NOS1: variants seen among roughly 807,000 people sequenced by gnomAD.
NOS1 encodes nitric oxide synthase 1, also known as NOS type I.
NOS1 carries 51 observed loss-of-function variants against 164.5 expected under a neutral mutation model. That is an observed-to-expected ratio of 0.31 (90% CI 0.25 to 0.39). The LOEUF (loss-of-function observed/expected upper bound fraction) is 0.39. NOS1 is among the 10% of genes least tolerant of loss of function. NOS1 has a pLI of 1.00. For missense variants in NOS1, 1,362 were observed against 1,885.6 expected (o/e 0.72, Z 5.14); for synonymous variants, 719 against 745.8 (o/e 0.96, Z 0.59).
intron 3 of NOS1, among the ~76,000 whole-genome samples, chr12:117,301,645 T>C (rs12810591): frequency 0.14 from 20,558 of 152,036 alleles, 1,636 homozygotes; most frequent in East Asian, 0.27. Flanking sequence ...CTCTTTCCAC[T>C]CAAGGCCCTC....
At chr12:117,273,866 A>G (rs1872967080) in intron 9 of NOS1, among the ~76,000 whole-genome samples, 1 of 152,072 alleles carries the variant, frequency 6.6e-6, no homozygotes, top group Admixed American at 6.6e-5. Context: ...ACCAGAAACT[A>G]TAAAACTACT....
intron 9 of NOS1, among the ~76,000 whole-genome samples, chr12:117,276,112 T>C (rs1289828670): frequency 6.6e-6 from 1 of 152,188 alleles, no homozygotes; most frequent in Non-Finnish European, 1.5e-5. Context: ...GATACAGGCC[T>C]GTAATGTGAA....
chr12:117,333,489 A>AC (rs1875645685), intron 1 of NOS1, among the ~76,000 whole-genome samples: 1 of 151,438 alleles, frequency 6.6e-6, no homozygotes, highest in African/African-American at 2.4e-5. Context: ...GGGTGCAGAG[A>AC]CCCCTCCCAG....
intron 27 of NOS1, among the ~76,000 whole-genome samples, chr12:117,219,827 T>C (rs1280228528): frequency 1.3e-5 from 2 of 152,130 alleles, no homozygotes; most frequent in African/African-American, 4.8e-5. Flanking sequence ...AGAGGTCCAC[T>C]CACTCGTTAT....
At chr12:117,284,664 G>C (rs1009028621) in intron 7 of NOS1, among the ~76,000 whole-genome samples, 2 of 152,132 alleles carry the variant, frequency 1.3e-5, no homozygotes, top group Admixed American at 1.3e-4. Flanking sequence ...ACTGAACTGT[G>C]GGTTGAACGT....
At chr12:117,251,452 T>C (rs1871094271) in intron 17 of NOS1, among the ~76,000 whole-genome samples, 1 of 152,116 alleles carries the variant, frequency 6.6e-6, no homozygotes, top group Admixed American at 6.5e-5. Context: ...CAGCTTATGA[T>C]TTCAAGGAAT....
At chr12:117,274,881 G>A (rs983273620) in intron 9 of NOS1, among the ~76,000 whole-genome samples, 1 of 151,824 alleles carries the variant, frequency 6.6e-6, no homozygotes, top group Non-Finnish European at 1.5e-5. Context: ...ATCAACCTAG[G>A]TGTCTAACAA....
chr12:117,307,994 AAATAATAAT>A (rs71444617), intron 3 of NOS1, among the ~76,000 whole-genome samples: 4 of 149,760 alleles, frequency 2.7e-5, no homozygotes, highest in South Asian at 2.1e-4. Flanking sequence ...GTCTCACAAT[AAATAATAAT>A]AATAATAATA....
Position 117,330,997 on chromosome 12 carries a change from C to T in NOS1, c.73G>A (p.Val25Ile), listed in dbSNP as rs752487139. The change falls in exon 2 of 29, where the codon GTT (valine) becomes ATT (isoleucine). Residue 25 changes from valine (V) to isoleucine (I), a missense_variant. Around this residue, in one of 4 missense-constraint regions of NOS1, gnomAD observed 362 missense variants for 402.0 expected, o/e 0.90. Coordinates refer to ENST00000317775, the MANE Select transcript of NOS1 (RefSeq NM_000620.5). The surrounding 1 kb of genome is among the most constrained non-coding windows in gnomAD (Gnocchi z 4.6). The part of the protein sequence containing the change: ...VISVRLFKRK[V>I]GGLGFLVKER... The stretch of plus-strand genomic sequence containing the variant: ...TTCACCAGAAATCCCAGGCCCCCAA[C>T]TTTGCGCTTGAAGAGACGAACAGAA... 6.2e-7 allele frequency: 1 copy of T among 1,614,228 alleles called. No homozygotes were observed. Among genetic ancestry groups the T allele is most frequent in the South Asian group, 1.1e-5 (1 of 91,086 alleles).
At position 117,214,279 on chromosome 12, in the gene NOS1, G is replaced by T. The variant is rs936688007; in HGVS notation, c.*1030C>A. On this transcript the variant is annotated 3_prime_UTR_variant, in exon 29 of 29. Coordinates refer to ENST00000317775, the MANE Select transcript of NOS1 (RefSeq NM_000620.5). ...CATTTAATCCATTCATATTCTTTAG[G>T]TTCGTATGACATTATGACTAGGAAA... The T allele has an allele frequency of 1.0e-5, 10 of 985,218 alleles. No individual in the cohort carries two copies. Among genetic ancestry groups the T allele is most frequent in the Non-Finnish European group, 1.2e-5 (10 of 829,934 alleles). The allele number at this position is 985,218 out of a possible 1,614,324, so 61.0% of individuals were successfully genotyped here.
chr12:117,320,707 C>T (rs1407682198), intron 2 of NOS1, among the ~76,000 whole-genome samples: 2 of 152,180 alleles, frequency 1.3e-5, no homozygotes, highest in African/African-American at 4.8e-5. Flanking sequence ...TGTCCAGCCT[C>T]ACTGCCCACC....
intron 1 of NOS1, among the ~76,000 whole-genome samples, chr12:117,350,219 A>T (rs1275593775): frequency 6.6e-6 from 1 of 152,176 alleles, no homozygotes; most frequent in Non-Finnish European, 1.5e-5. Flanking sequence ...GAAATCTATG[A>T]ACCTTTTGTG....
intron 1 of NOS1, among the ~76,000 whole-genome samples, chr12:117,358,087 C>T (rs1185229135): frequency 6.6e-6 from 1 of 152,208 alleles, no homozygotes; most frequent in Non-Finnish European, 1.5e-5. Flanking sequence ...ACAGGCAACA[C>T]ATGAAGTCTT....
intron 1 of NOS1, among the ~76,000 whole-genome samples, chr12:117,345,091 G>A (rs2136087966): frequency 6.8e-6 from 1 of 147,470 alleles, no homozygotes; most frequent in African/African-American, 2.5e-5. Context: ...GAGTGCAGTG[G>A]CACAATCTCG....
chr12:117,311,375 G>A, intron 3 of NOS1, 91 bp downstream of exon 3: 2 of 1,429,716 alleles, frequency 1.4e-6, no homozygotes, highest in East Asian at 5.2e-5. Context: ...ACACAGTTTA[G>A]GATTTAGCTT....
chr12:117,219,734 C>T (rs7967328), intron 27 of NOS1, among the ~76,000 whole-genome samples: 4,957 of 152,252 alleles, frequency 0.033, 269 homozygotes, highest in African/African-American at 0.11. Context: ...TTGTGCAGTG[C>T]CCAACCTGCA....
intron 20 of NOS1, among the ~76,000 whole-genome samples, chr12:117,241,273 T>C (rs918183836): frequency 6.6e-6 from 1 of 152,008 alleles, no homozygotes; most frequent in Non-Finnish European, 1.5e-5. Context: ...GGTCTTTGCA[T>C]TAGTTCCCAT....
chr12:117,252,412 C>T (rs1871169660), intron 17 of NOS1, among the ~76,000 whole-genome samples: 1 of 152,154 alleles, frequency 6.6e-6, no homozygotes, highest in South Asian at 2.1e-4. Context: ...TTGCCAGCTC[C>T]TGCCATGATA....
chr12:117,225,403 T>C (rs537765276), intron 24 of NOS1, among the ~76,000 whole-genome samples: 2 of 152,266 alleles, frequency 1.3e-5, no homozygotes, highest in East Asian at 1.9e-4. Flanking sequence ...AGGGTATCTC[T>C]ACGCTGGCAC....
Sources: allele counts gnomAD v4.1 joint callset (sites outside exome capture counted in the v4.1 genomes callset), GRCh38; gene constraint gnomAD v4.1.1; regional missense constraint gnomAD v4.1.1; non-coding constraint Gnocchi (gnomAD v3.1); transcripts MANE v1.5; gene names NCBI Gene and HGNC (gene_info 2026-07-23, HGNC 2026-07-21).